RAX: variants seen among roughly 807,000 people sequenced by gnomAD.
RAX encodes retina and anterior neural fold homeobox.
In RAX, 11 loss-of-function variants were observed where a neutral mutation model predicts 17.4. The ratio of observed to expected loss-of-function variants is 0.63; its 90% CI spans 0.40 to 1.05. RAX has a LOEUF of 1.05. Ranked by LOEUF, RAX falls within the 50% of genes least tolerant of loss-of-function variation. The pLI is 0.00. For synonymous variants in RAX, 276 were observed against 254.7 expected (o/e 1.08, Z -0.80); for missense variants, 527 against 501.1 (o/e 1.05, Z -0.49).
In RAX at chr18:59,273,188, C is replaced by G. The variant is rs1157387573; in HGVS notation, c.19G>C (p.Ala7Pro). The stretch of plus-strand genomic sequence containing the variant: ...AAGCTCCCGTCGGCCATGGCTGGCG[C>G]GCAGCCCGGCAGGTGCATGGGGAGC... MHLPGCAPAMADGSFSL... is the reference protein window; with the variant it reads MHLPGCPPAMADGSFSL... The change falls in exon 1 of 3, where the codon GCG becomes CCG. Residue 7 changes from alanine to proline, a missense_variant. Ala to Pro is a conservative substitution (Grantham distance 27). Transcript: ENST00000334889. 2.6e-6 allele frequency: 4 copies of G among 1,530,402 alleles called. No homozygotes were observed. The highest frequency in any genetic ancestry group is 2.0e-5 in the Admixed American group (1 of 50,692). 94.8% of individuals were successfully genotyped at this position (1,530,402 alleles called of 1,614,324 possible). A position where few individuals can be genotyped will look rare whatever the true frequency, so the allele number is the denominator to read the frequency against.
chr18:59,269,600 C>T (rs1426972725), intron 2 of RAX, 99 bp from the exon 3 acceptor site: 1 of 1,384,048 alleles, frequency 7.2e-7, no homozygotes, highest in Non-Finnish European at 9.8e-7. Flanking sequence ...ACTCCGTCCC[C>T]CTCAAATAAA....
chr18:59,269,932 A>C (rs2070324112), intron 2 of RAX, among the ~76,000 whole-genome samples: 1 of 151,938 alleles, frequency 6.6e-6, no homozygotes, highest in African/African-American at 2.4e-5. Context: ...GAATCGTAGA[A>C]CTTTGAAACG....
In RAX at chr18:59,267,430, A is replaced by G. The variant is rs1276537144; in HGVS notation, c.*1574T>C. ...TATTGCGTCATGCCAGGGTCTTGGT[A>G]CTTTCCACAAAGCCTTTACAGGTGA... On this transcript the variant is annotated 3_prime_UTR_variant, in exon 3 of 3. Transcript: ENST00000334889. The G allele has an allele frequency of 6.6e-6, 1 of 152,182 alleles. No homozygotes were observed. Among genetic ancestry groups the G allele is most frequent in the Admixed American group, 6.5e-5 (1 of 15,276 alleles). 9.4% of individuals were successfully genotyped at this position (152,182 alleles called of 1,614,324 possible).
chr18:59,273,143 G>T lies in RAX; in HGVS notation c.64C>A (p.Leu22Ile). The T allele has an allele frequency of 6.5e-7, 1 of 1,533,812 alleles. No individual in the cohort carries two copies. The highest frequency in any genetic ancestry group is 8.7e-7 in the Non-Finnish European group (1 of 1,145,902). ...DGSFSLAGHLLRSPGGSTSRL... is the reference protein window; with the variant it reads ...DGSFSLAGHLIRSPGGSTSRL... Reference sequence around the variant, plus strand: ...GAGGTGCTCCCGCCCGGGCTGCGGAGCAGGTGGCCGGCAAGCGAGAAGCTC... The same window carrying T: ...GAGGTGCTCCCGCCCGGGCTGCGGATCAGGTGGCCGGCAAGCGAGAAGCTC... Residue 22 changes from leucine to isoleucine, a missense_variant, in exon 1 of 3, where the codon CTC becomes ATC. Physicochemically the swap from Leu to Ile is conservative, Grantham distance 5 (BLOSUM62 2). Transcript: ENST00000334889.
intron 2 of RAX, 147 bp from the exon 3 acceptor site, chr18:59,269,648 C>T: frequency 1.2e-6 from 1 of 820,638 alleles, no homozygotes; most frequent in Non-Finnish European, 1.8e-6. Context: ...CCGAGAGAGG[C>T]CCGGATCTTC....
Position 59,267,445 on chromosome 18 carries a change from T to C in RAX, c.*1559A>G, listed in dbSNP as rs1452504426. On this transcript the variant is annotated 3_prime_UTR_variant, in exon 3 of 3. Coordinates refer to ENST00000334889, the MANE Select transcript of RAX (RefSeq NM_013435.3). ...GGGTCTTGGTACTTTCCACAAAGCC[T>C]TTACAGGTGATCTTATTCCATCTTT... 1 of 152,218 alleles carries C rather than the reference T, an allele frequency of 6.6e-6. No individual in the cohort carries two copies. Among genetic ancestry groups the C allele is most frequent in the Non-Finnish European group, 1.5e-5 (1 of 68,022 alleles). The allele number at this position is 152,218 out of a possible 1,614,324, so 9.4% of individuals were successfully genotyped here.
rs1403776732 is a variant in RAX, at chr18:59,269,199, G to GGGCGGA, written c.840_845dup (p.Pro281_Pro282dup). The stretch of plus-strand genomic sequence containing the variant: ...GGCCCAACGGCGGGGAGTTCAGGAA[G>GGGCGGA]GGCGGAGGCGGCGGCGGTGGCGTGT... On this transcript the variant is annotated inframe_insertion, in exon 3 of 3. Coordinates refer to ENST00000334889, the MANE Select transcript of RAX (RefSeq NM_013435.3). 13 of 1,532,386 alleles carry GGGCGGA rather than the reference G, an allele frequency of 8.5e-6. No individual in the cohort carries two copies. Among genetic ancestry groups the GGGCGGA allele is most frequent in the Middle Eastern group, 2.1e-4 (1 of 4,782 alleles). 94.9% of individuals were successfully genotyped at this position (1,532,386 alleles called of 1,614,324 possible). A position where few individuals can be genotyped will look rare whatever the true frequency, so the allele number is the denominator to read the frequency against.
At position 59,272,939 on chromosome 18, in the gene RAX, CCGGGGCTGGCGG is replaced by C; in HGVS notation, c.256_267del (p.Pro86_Pro89del). The C allele has an allele frequency of 6.8e-7, 1 of 1,461,642 alleles. No individual in the cohort carries two copies. The highest frequency in any genetic ancestry group is 8.9e-7 in the Non-Finnish European group (1 of 1,123,758). The allele number at this position is 1,461,642 out of a possible 1,614,324, so 90.5% of individuals were successfully genotyped here. A position where few individuals can be genotyped will look rare whatever the true frequency, so the allele number is the denominator to read the frequency against. ...TCACCTTCGTACTCGGGGGCGGGCG[CCGGGGCTGGCGG>C]CGGGGAGGGCTCGGAGCCTTCCTCG... On this transcript the variant is annotated inframe_deletion, in exon 1 of 3. Transcript: ENST00000334889.
rs1439948106 is a variant in RAX, at chr18:59,269,287, C to T, written c.758G>A (p.Gly253Asp). 7 of 1,309,680 alleles carry T rather than the reference C, an allele frequency of 5.3e-6. No homozygotes were observed. In the Admixed American group the frequency reaches 1.8e-4, roughly 34 times the overall value. The allele number at this position is 1,309,680 out of a possible 1,614,324, so 81.1% of individuals were successfully genotyped here. A position where few individuals can be genotyped will look rare whatever the true frequency, so the allele number is the denominator to read the frequency against. ...CGGCAGGCTCTGCAGCGCCGTGGCG[C>T]CCCCGCCCGGCAGCGGCGGCCCGAG... ...SWLGPPLPGG[G>D]ATALQSLPGF... The change falls in exon 3 of 3, where the codon GGC (glycine) becomes GAC (aspartate). Residue 253 changes from glycine (G) to aspartate (D), a missense_variant. Gly to Asp is a moderately conservative substitution (Grantham distance 94). Transcript: ENST00000334889.
chr18:59,272,216 G>T, intron 2 of RAX, 145 bp downstream of exon 2: 2 of 1,123,166 alleles, frequency 1.8e-6, no homozygotes, highest in Non-Finnish European at 2.6e-6. Flanking sequence ...TCGAAGATCT[G>T]TGCCTCTCCC....
At position 59,268,958 on chromosome 18, in the gene RAX, G is replaced by T; in HGVS notation, c.*46C>A. ...TCCCTGGGAGAGAGGATGCGGGTAC[G>T]GTGCGGTCGGCCCGGGGTCGGATCC... On this transcript the variant is annotated 3_prime_UTR_variant, in exon 3 of 3. Transcript: ENST00000334889. This position sits in a 1 kb window ranked among gnomAD's most constrained non-coding sequence, Gnocchi z 4.4. 2 of 1,612,606 alleles carry T rather than the reference G, an allele frequency of 1.2e-6. No individual in the cohort carries two copies. Among genetic ancestry groups the T allele is most frequent in the Non-Finnish European group, 1.7e-6 (2 of 1,179,752 alleles).
At position 59,267,390 on chromosome 18, in the gene RAX, G is replaced by C. The variant is rs1001773725; in HGVS notation, c.*1614C>G. 1 of 152,198 alleles carries C rather than the reference G, an allele frequency of 6.6e-6. No individual in the cohort carries two copies. Among genetic ancestry groups the C allele is most frequent in the Admixed American group, 6.5e-5 (1 of 15,292 alleles). 9.4% of individuals were successfully genotyped at this position (152,198 alleles called of 1,614,324 possible). ...CAGGGAATTTCGGGGAAATGGGGACGATGATTACAATCCATATTGCGTCAT... is the reference window on the plus strand; with the variant it reads ...CAGGGAATTTCGGGGAAATGGGGACCATGATTACAATCCATATTGCGTCAT... On this transcript the variant is annotated 3_prime_UTR_variant, in exon 3 of 3. Coordinates refer to ENST00000334889, the MANE Select transcript of RAX (RefSeq NM_013435.3).
Position 59,272,353 on chromosome 18 carries a change from C to A in RAX, c.543+8G>T. 1 of 1,614,230 alleles carries A rather than the reference C, an allele frequency of 6.2e-7. No homozygotes were observed. The highest frequency in any genetic ancestry group is 8.5e-7 in the Non-Finnish European group (1 of 1,180,054). Reference sequence around the variant, plus strand: ...CCAGATCCCAGTTCCTCAACCTGGGCGCTTTACCTGGACCCGGACCTCTGG... The same window carrying A: ...CCAGATCCCAGTTCCTCAACCTGGGAGCTTTACCTGGACCCGGACCTCTGG... On this transcript the variant is annotated splice_region_variant and intron_variant, in intron 2 of 2. Coordinates refer to ENST00000334889, the MANE Select transcript of RAX (RefSeq NM_013435.3).
chr18:59,269,295 C>G lies in RAX; in HGVS notation c.750G>C (p.Pro250=). The part of the protein sequence containing the change: ...PLESWLGPPL[P]GGGATALQSL... ...TCTGCAGCGCCGTGGCGCCCCCGCCCGGCAGCGGCGGCCCGAGCCAGGACT... is the reference window on the plus strand; with the variant it reads ...TCTGCAGCGCCGTGGCGCCCCCGCCGGGCAGCGGCGGCCCGAGCCAGGACT... Residue 250 remains proline (P), a synonymous_variant, in exon 3 of 3, where the codon CCG becomes CCC. Coordinates refer to ENST00000334889, the MANE Select transcript of RAX (RefSeq NM_013435.3). 2 of 1,287,630 alleles carry G rather than the reference C, an allele frequency of 1.6e-6. No individual in the cohort carries two copies. Among genetic ancestry groups the G allele is most frequent in the Non-Finnish European group, 2.0e-6 (2 of 1,023,214 alleles). The allele number at this position is 1,287,630 out of a possible 1,614,324, so 79.8% of individuals were successfully genotyped here.
Position 59,269,451 on chromosome 18 carries a change from T to G in RAX, c.594A>C (p.Glu198Asp). The change falls in exon 3 of 3, where the codon GAA becomes GAC. Residue 198 changes from glutamate (E) to aspartate (D), a missense_variant. Transcript: ENST00000334889. ...RAKWRRQEKL[E>D]VSSMKLQDSP... Reference sequence around the variant, plus strand: ...AGTCCTGCAGCTTCATGGAGGACACTTCCAGCTTCTCCTGCCGCCGCCACT... The same window carrying G: ...AGTCCTGCAGCTTCATGGAGGACACGTCCAGCTTCTCCTGCCGCCGCCACT... 2 of 1,593,974 alleles carry G rather than the reference T, an allele frequency of 1.3e-6. No individual in the cohort carries two copies. Among genetic ancestry groups the G allele is most frequent in the Non-Finnish European group, 1.7e-6 (2 of 1,178,394 alleles).
rs965967284 is a variant in RAX, at chr18:59,267,644, C to T, written c.*1360G>A. 3 of 145,200 alleles carry T rather than the reference C, an allele frequency of 2.1e-5. No homozygotes were observed. In the East Asian group the frequency reaches 6.1e-4, roughly 29 times the overall value. 9.0% of individuals were successfully genotyped at this position (145,200 alleles called of 1,614,324 possible). A position where few individuals can be genotyped will look rare whatever the true frequency, so the allele number is the denominator to read the frequency against. ...TGTGGGGTGGACGCCCCCCCCCCCC[C>T]CGTGCCAGGACCTGTTGGCGGGCAT... On this transcript the variant is annotated 3_prime_UTR_variant, in exon 3 of 3. Coordinates refer to ENST00000334889, the MANE Select transcript of RAX (RefSeq NM_013435.3).
rs2144149177 is a variant in RAX, at chr18:59,268,026, A to C, written c.*978T>G. ...AAAAGGAAAAGCATCTCTTTGCCTC[A>C]GTTCTTGTACCGCTGGTGATCAACC... On this transcript the variant is annotated 3_prime_UTR_variant, in exon 3 of 3. Coordinates refer to ENST00000334889, the MANE Select transcript of RAX (RefSeq NM_013435.3). The surrounding 1 kb of genome is among the most constrained non-coding windows in gnomAD (Gnocchi z 4.4). 1 of 152,358 alleles carries C rather than the reference A, an allele frequency of 6.6e-6. No homozygotes were observed. Among genetic ancestry groups the C allele is most frequent in the South Asian group, 2.1e-4 (1 of 4,820 alleles). The allele number at this position is 152,358 out of a possible 1,614,324, so 9.4% of individuals were successfully genotyped here. A position where few individuals can be genotyped will look rare whatever the true frequency, so the allele number is the denominator to read the frequency against.
rs2070356034 is a variant in RAX, at chr18:59,273,182, C to T, written c.25G>A (p.Ala9Thr). Residue 9 changes from alanine (A) to threonine (T), a missense_variant, in exon 1 of 3, where the codon GCC becomes ACC. Physicochemically the swap from Ala to Thr is moderately conservative, Grantham distance 58 (BLOSUM62 0). Transcript: ENST00000334889. The part of the protein sequence containing the change: MHLPGCAP[A>T]MADGSFSLAG... ...AGCGAGAAGCTCCCGTCGGCCATGG[C>T]TGGCGCGCAGCCCGGCAGGTGCATG... is the stretch of plus-strand genomic sequence containing the variant. The T allele has an allele frequency of 3.3e-6, 5 of 1,530,886 alleles. No homozygotes were observed. The highest frequency in any genetic ancestry group is 2.0e-5 in the Admixed American group (1 of 50,716). The allele number at this position is 1,530,886 out of a possible 1,614,324, so 94.8% of individuals were successfully genotyped here.
chr18:59,273,063 G>A lies in RAX; in HGVS notation c.144C>T (p.Leu48=), dbSNP rs1488966545. 1 of 1,534,992 alleles carries A rather than the reference G, an allele frequency of 6.5e-7. No individual in the cohort carries two copies. The highest frequency in any genetic ancestry group is 8.7e-7 in the Non-Finnish European group (1 of 1,146,384). ...CGCCCCGCTCCGCCGGGAAGGTGCC[G>A]AGGATCCCGTCGTCCTTGGTAAACC... is the stretch of plus-strand genomic sequence containing the variant. ...ILGFTKDDGI[L]GTFPAERGAR... is the part of the protein sequence containing the mutation. Residue 48 remains leucine, a synonymous_variant, in exon 1 of 3, where the codon CTC becomes CTT. Coordinates refer to ENST00000334889, the MANE Select transcript of RAX (RefSeq NM_013435.3).
Sources: allele counts gnomAD v4.1 joint callset (sites outside exome capture counted in the v4.1 genomes callset), GRCh38; gene constraint gnomAD v4.1.1; non-coding constraint Gnocchi (gnomAD v3.1); transcripts MANE v1.5; gene names NCBI Gene and HGNC (gene_info 2026-07-23, HGNC 2026-07-21).